ICAM1: variants seen among roughly 807,000 people sequenced by gnomAD.
ICAM1 encodes the protein ICAM-1.
Under a neutral mutation model 42.3 loss-of-function variants are expected in ICAM1, and 28 were observed. The observed-to-expected ratio is 0.66, with a 90% CI of 0.49 to 0.91. The LOEUF (loss-of-function observed/expected upper bound fraction) is 0.91. ICAM1 is among the 40% of genes least tolerant of loss of function. The pLI is 0.00. For synonymous variants in ICAM1, 304 were observed against 305.9 expected, an observed-to-expected ratio of 0.99 and a Z score of 0.07; for missense variants, 637 against 688.6, an observed-to-expected ratio of 0.93 and a Z score of 0.84.
intron 1 of ICAM1, 61 bp from the exon 2 acceptor site, chr19:10,274,704 G>A (rs926864527): frequency 1.7e-5 from 27 of 1,567,864 alleles, no homozygotes; most frequent in Admixed American, 6.9e-5. Flanking sequence ...CAGGCTGGGC[G>A]CACATTCCCT....
rs569545376 is a variant in ICAM1, at chr19:10,281,967, C to T, written c.332-1514C>T. Among the ~76,000 whole-genome samples, 9 of 152,144 alleles carry T rather than the reference C, an allele frequency of 5.9e-5. No individual in the cohort carries two copies. The East Asian group carries it at 1.7e-3, about 29-fold the overall frequency. ...ATATTGGCCAGGCTGGTCTTGAACT[C>T]CTGACCTCAGGTGATCCGCCTGCCT... On this transcript the variant is annotated intron_variant, in intron 2 of 6. Coordinates refer to ENST00000264832, the MANE Select transcript of ICAM1 (RefSeq NM_000201.3).
rs111733155 is a variant in ICAM1 at position 10,278,029 on chromosome 19, T to C, written c.331+3001T>C. 6.9e-3 allele frequency among the ~76,000 whole-genome samples: 1,053 copies of C among 152,068 alleles called. 10 individuals are homozygous for C. The highest frequency in any genetic ancestry group is 0.024 in the African/African-American group (990 of 41,458). On this transcript the variant is annotated intron_variant, in intron 2 of 6. Transcript: ENST00000264832. The stretch of plus-strand genomic sequence containing the variant: ...GCCTGGGCAACATAGCAAGACCCCA[T>C]ATCTACAAAAAATAAAAAACCTAAC...
chr19:10,285,958 G>A lies in ICAM1; in HGVS notation c.*671G>A, dbSNP rs1297863755. The stretch of plus-strand genomic sequence containing the variant: ...AGAGTGCCTGGCAAAAAGATCAAAT[G>A]GGGCTGGGACTTCTCATTGGCCAAC... On this transcript the variant is annotated 3_prime_UTR_variant, in exon 7 of 7. Coordinates refer to ENST00000264832, the MANE Select transcript of ICAM1 (RefSeq NM_000201.3). 6.6e-6 allele frequency: 1 copy of A among 152,516 alleles called. No individual in the cohort carries two copies. The highest frequency in any genetic ancestry group is 1.9e-4 in the East Asian group (1 of 5,294). 9.4% of individuals were successfully genotyped at this position (152,516 alleles called of 1,614,324 possible).
intron 1 of ICAM1, among the ~76,000 whole-genome samples, chr19:10,272,527 C>T (rs1450216950): frequency 6.6e-6 from 1 of 151,430 alleles, no homozygotes; most frequent in Non-Finnish European, 1.5e-5. Flanking sequence ...GGGACCTGAT[C>T]CAAATAAGCC....
At chr19:10,276,801 G>A (rs1285805303) in intron 2 of ICAM1, among the ~76,000 whole-genome samples, 1 of 151,264 alleles carries the variant, frequency 6.6e-6, no homozygotes, top group African/African-American at 2.4e-5. Context: ...GAGAAACCCC[G>A]TCTCTATTAA....
In ICAM1 at chr19:10,284,487, G is replaced by C. The variant is rs762576033; in HGVS notation, c.1010G>C (p.Arg337Thr). The C allele has an allele frequency of 6.2e-7, 1 of 1,614,076 alleles. No homozygotes were observed. Among genetic ancestry groups the C allele is most frequent in the Non-Finnish European group, 8.5e-7 (1 of 1,180,016 alleles). Residue 337 changes from arginine to threonine, a missense_variant, in exon 5 of 7, where the codon AGA becomes ACA. Arg to Thr is a moderately conservative substitution (Grantham distance 71, BLOSUM62 -1). Transcript: ENST00000264832. This position sits in a 1 kb window ranked among gnomAD's most constrained non-coding sequence, Gnocchi z 5.4. ...ACAGTGAAGTGTGAGGCCCACCCTA[G>C]AGCCAAGGTGACGCTGAATGGGGTT... ...EVTVKCEAHPRAKVTLNGVPA... is the reference protein window; with the variant it reads ...EVTVKCEAHPTAKVTLNGVPA...
Position 10,271,945 on chromosome 19 carries a change from G to A in ICAM1, c.67+719G>A, listed in dbSNP as rs1034837781. ...GTCTTTCATGGTGGTGTAAGTTTGG[G>A]GAACCAGGAGGGTGGGAGATTGACA... On this transcript the variant is annotated intron_variant, in intron 1 of 6. Coordinates refer to ENST00000264832, the MANE Select transcript of ICAM1 (RefSeq NM_000201.3). 2.6e-5 allele frequency among the ~76,000 whole-genome samples: 4 copies of A among 152,206 alleles called. 1 individual carries two copies. Among genetic ancestry groups the A allele is most frequent in the Admixed American group, 1.3e-4 (2 of 15,262 alleles).
At chr19:10,279,388 TA>T (rs1433850490) in intron 2 of ICAM1, among the ~76,000 whole-genome samples, 1 of 151,872 alleles carries the variant, frequency 6.6e-6, no homozygotes, top group African/African-American at 2.4e-5. Flanking sequence ...TAAGAAAAAA[TA>T]AAAAAATTAG....
chr19:10,275,598 T>G (rs2040010398), intron 2 of ICAM1, among the ~76,000 whole-genome samples: 1 of 152,038 alleles, frequency 6.6e-6, no homozygotes, highest in African/African-American at 2.4e-5. Flanking sequence ...CCAAGTGTGG[T>G]GGCTTGTACC....
chr19:10,285,344 C>A lies in ICAM1; in HGVS notation c.*57C>A. On this transcript the variant is annotated 3_prime_UTR_variant, in exon 7 of 7. Transcript: ENST00000264832. ...CTTCCCATATTGGTGGCAGTGGTGC[C>A]ACACTGAACAGAGTGGAAGACATAT... is the stretch of plus-strand genomic sequence containing the variant. 6.5e-7 allele frequency: 1 copy of A among 1,529,328 alleles called. No individual in the cohort carries two copies. Among genetic ancestry groups the A allele is most frequent in the Non-Finnish European group, 9.0e-7 (1 of 1,114,642 alleles). The allele number at this position is 1,529,328 out of a possible 1,614,324, so 94.7% of individuals were successfully genotyped here.
At chr19:10,275,204 A>C (rs1334057705) in intron 2 of ICAM1, among the ~76,000 whole-genome samples, 176 bp downstream of exon 2, 2 of 152,184 alleles carry the variant, frequency 1.3e-5, no homozygotes, top group African/African-American at 4.8e-5. Flanking sequence ...CTTTGGGTAC[A>C]ATTAAAGTAT....
intron 3 of ICAM1, 97 bp from the exon 4 acceptor site, chr19:10,283,936 C>G: frequency 6.7e-7 from 1 of 1,492,584 alleles, no homozygotes; most frequent in Non-Finnish European, 9.1e-7. Flanking sequence ...GCTGAGTGGC[C>G]CTGGAAGAGG....
chr19:10,280,943 G>A (rs925128458), intron 2 of ICAM1, among the ~76,000 whole-genome samples: 1 of 144,596 alleles, frequency 6.9e-6, no homozygotes, highest in Non-Finnish European at 1.5e-5. Flanking sequence ...GTTCGATCTG[G>A]GCTCACTGCA....
chr19:10,275,986 G>A (rs1186936842), intron 2 of ICAM1, among the ~76,000 whole-genome samples: 1 of 151,144 alleles, frequency 6.6e-6, no homozygotes, highest in African/African-American at 2.4e-5. Flanking sequence ...GGGATTACAG[G>A]TGTAAGCCAC....
At chr19:10,271,313 A>G (rs2145486214) in intron 1 of ICAM1, 87 bp downstream of exon 1, 1 of 1,191,898 alleles carries the variant, frequency 8.4e-7, no homozygotes, top group South Asian at 1.4e-5. Context: ...ATGCTTAGGT[A>G]GCTGTTTATG....
chr19:10,279,584 A>T (rs557551353), intron 2 of ICAM1, among the ~76,000 whole-genome samples: 51 of 151,890 alleles, frequency 3.4e-4, no homozygotes, highest in African/African-American at 1.2e-3. Context: ...CCTGGGTTCA[A>T]CCGATTCTGC....
intron 1 of ICAM1, among the ~76,000 whole-genome samples, chr19:10,273,727 C>T (rs2039997335): frequency 6.7e-6 from 1 of 150,346 alleles, no homozygotes; most frequent in Non-Finnish European, 1.5e-5. Context: ...ATAAAGAACA[C>T]ATGTGGCTGG....
chr19:10,283,989 G>T, intron 3 of ICAM1, 44 bp from the exon 4 acceptor site: 1 of 1,580,800 alleles, frequency 6.3e-7, no homozygotes, highest in South Asian at 1.1e-5. Flanking sequence ...GAAGGGCTTC[G>T]GGACGTCCAT....
At position 10,285,687 on chromosome 19, in the gene ICAM1, C is replaced by G. The variant is rs2145017338; in HGVS notation, c.*400C>G. On this transcript the variant is annotated 3_prime_UTR_variant, in exon 7 of 7. Transcript: ENST00000264832. ...CCACAGACTTACAGAAGAAGTGGCC[C>G]TCCATAGACATGTGTAGCATCAAAA... 1 of 197,130 alleles carries G rather than the reference C, an allele frequency of 5.1e-6. No individual in the cohort carries two copies. Among genetic ancestry groups the G allele is most frequent in the East Asian group, 1.3e-4 (1 of 7,606 alleles). The allele number at this position is 197,130 out of a possible 1,614,324, so 12.2% of individuals were successfully genotyped here.
Sources: gnomAD v4.1 joint callset for allele counts (sites outside exome capture counted in the v4.1 genomes callset) on GRCh38, gnomAD v4.1.1 for gene constraint, Gnocchi (gnomAD v3.1) non-coding constraint, MANE v1.5 for transcripts, NCBI Gene and HGNC (gene_info 2026-07-23, HGNC 2026-07-21) for gene names.